CABP5: variants seen among roughly 807,000 people sequenced by gnomAD.
CABP5 encodes the protein calcium-binding protein 5.
In CABP5, 17 loss-of-function variants were observed where a neutral mutation model predicts 21.9. That is an observed-to-expected ratio of 0.78 (90% CI 0.53 to 1.17). CABP5 has a LOEUF of 1.17. CABP5 is among the 50% of genes most tolerant of loss of function. The pLI, the probability that CABP5 is intolerant of heterozygous loss-of-function variation, is 0.00. For synonymous variants in CABP5, 85 were observed against 79.4 expected (o/e 1.07, Z -0.37); for missense variants, 229 against 228.9 (o/e 1.00, Z 0.00).
At chr19:48,039,903 C>A (rs1021362871) in intron 3 of CABP5, among the ~76,000 whole-genome samples, 1 of 151,482 alleles carries the variant, frequency 6.6e-6, no homozygotes, top group Non-Finnish European at 1.5e-5. Flanking sequence ...TTAGTAGAGA[C>A]GGGGTGTCAC....
chr19:48,029,836 G>GAGAGAA lies in CABP5; in HGVS notation c.*720_*721insTTCTCT, dbSNP rs1312190085. 6.8e-6 allele frequency: 1 copy of GAGAGAA among 146,778 alleles called. No homozygotes were observed. Among genetic ancestry groups the GAGAGAA allele is most frequent in the South Asian group, 2.2e-4 (1 of 4,528 alleles). 9.1% of individuals were successfully genotyped at this position (146,778 alleles called of 1,614,324 possible). ...AGAGAGAGAGAGAGAGAGAGAGAGAGAAACCAGACAGTGCTTCCAGGAAAT... is the reference window on the plus strand; with the variant it reads ...AGAGAGAGAGAGAGAGAGAGAGAGAGAGAGAAAAACCAGACAGTGCTTCCAGGAAAT... On this transcript the variant is annotated 3_prime_UTR_variant, in exon 6 of 6. Transcript: ENST00000293255.
intron 3 of CABP5, 29 bp downstream of exon 3, chr19:48,040,576 C>G: frequency 6.2e-7 from 1 of 1,612,896 alleles, no homozygotes. Flanking sequence ...TCCCTAACCC[C>G]GGCCATCCCT....
At chr19:48,038,663 C>A (rs543942071) in intron 4 of CABP5, among the ~76,000 whole-genome samples, 8 of 152,068 alleles carry the variant, frequency 5.3e-5, no homozygotes, top group Non-Finnish European at 1.0e-4. Flanking sequence ...CCCGTCTCTA[C>A]GAAAAATACA....
At chr19:48,039,465 A>G (rs1391915825) in intron 3 of CABP5, 148 bp from the exon 4 acceptor site, 6 of 649,306 alleles carry the variant, frequency 9.2e-6, no homozygotes, top group Middle Eastern at 5.1e-4. Context: ...GCTAACTCCA[A>G]GCTCCAAACT....
chr19:48,031,644 C>T (rs559149010), intron 5 of CABP5, among the ~76,000 whole-genome samples: 2 of 152,230 alleles, frequency 1.3e-5, no homozygotes, highest in African/African-American at 2.4e-5. Context: ...CTTACGCCAG[C>T]GAGGGTCACC....
Position 48,040,714 on chromosome 19 carries a change from G to T in CABP5, c.129C>A (p.Asp43Glu). The T allele has an allele frequency of 6.2e-7, 1 of 1,613,984 alleles. No individual in the cohort carries two copies. Among genetic ancestry groups the T allele is most frequent in the Non-Finnish European group, 8.5e-7 (1 of 1,179,924 alleles). Residue 43 changes from aspartate to glutamate, a missense_variant, in exon 3 of 6, where the codon GAC (aspartate) becomes GAA (glutamate). By Grantham distance (45) the Asp-to-Glu change is conservative. Transcript: ENST00000293255. The stretch of plus-strand genomic sequence containing the variant: ...CCTTACAAGAGATGAACCCATCTCG[G>T]TCCTTATCGAACTCAAGAAATGCTT... Reference protein sequence around the residue: ...LREAFLEFDKDRDGFISCKDL... With the variant: ...LREAFLEFDKERDGFISCKDL...
At chr19:48,036,061 G>A (rs1281749767) in intron 4 of CABP5, among the ~76,000 whole-genome samples, 1 of 152,186 alleles carries the variant, frequency 6.6e-6, no homozygotes, top group Non-Finnish European at 1.5e-5. Flanking sequence ...GAGCCAGTTA[G>A]CACCAGCAGA....
At chr19:48,040,846 T>C in intron 2 of CABP5, 98 bp from the exon 3 acceptor site, 1 of 1,198,058 alleles carries the variant, frequency 8.3e-7, no homozygotes, top group South Asian at 1.4e-5. Flanking sequence ...TAGAGACTCC[T>C]TAAAGGAGCG....
Position 48,040,585 on chromosome 19 carries a change from C to G in CABP5, c.238+20G>C, listed in dbSNP as rs1339690203. ...ATCCCTTCCCTAACCCCGGCCATCC[C>G]TCCCATTCCCTGGACTCACGGTTCA... On this transcript the variant is annotated intron_variant, in intron 3 of 5. Coordinates refer to ENST00000293255, the MANE Select transcript of CABP5 (RefSeq NM_019855.5). 6 of 1,613,444 alleles carry G rather than the reference C, an allele frequency of 3.7e-6. 1 individual carries two copies. In the Admixed American group the frequency reaches 5.0e-5, roughly 13 times the overall value.
Position 48,030,415 on chromosome 19 carries a change from C to T in CABP5, c.*142G>A. ...ACCGCTCTGGGTCTCACCCCATGCACAGCGCCGCATGCCAATGCCCTCCCT... is the reference window on the plus strand; with the variant it reads ...ACCGCTCTGGGTCTCACCCCATGCATAGCGCCGCATGCCAATGCCCTCCCT... On this transcript the variant is annotated 3_prime_UTR_variant, in exon 6 of 6. Transcript: ENST00000293255. The T allele has an allele frequency of 1.3e-6, 1 of 750,524 alleles. No individual in the cohort carries two copies. The highest frequency in any genetic ancestry group is 2.2e-6 in the Non-Finnish European group (1 of 453,252). The allele number at this position is 750,524 out of a possible 1,614,324, so 46.5% of individuals were successfully genotyped here.
At position 48,044,057 on chromosome 19, in the gene CABP5, C is replaced by G; in HGVS notation, c.-135G>C. 5.7e-6 allele frequency: 4 copies of G among 695,912 alleles called. No homozygotes were observed. The highest frequency in any genetic ancestry group is 9.1e-6 in the Non-Finnish European group (4 of 439,370). The allele number at this position is 695,912 out of a possible 1,614,324, so 43.1% of individuals were successfully genotyped here. ...TTCCTGCCTCTCTTGGCTTCTCCTTCGGTCCCGGTGTCTTAGAGCTGTGAC... is the reference window on the plus strand; with the variant it reads ...TTCCTGCCTCTCTTGGCTTCTCCTTGGGTCCCGGTGTCTTAGAGCTGTGAC... On this transcript the variant is annotated 5_prime_UTR_variant, in exon 1 of 6. Coordinates refer to ENST00000293255, the MANE Select transcript of CABP5 (RefSeq NM_019855.5).
At chr19:48,033,961 G>C (rs903566961) in intron 5 of CABP5, among the ~76,000 whole-genome samples, 1 of 152,144 alleles carries the variant, frequency 6.6e-6, no homozygotes, top group Non-Finnish European at 1.5e-5. Flanking sequence ...AGGGCGTCCT[G>C]AGCATGGGAA....
intron 1 of CABP5, among the ~76,000 whole-genome samples, chr19:48,042,017 G>A (rs994624128): frequency 1.3e-5 from 2 of 151,556 alleles, no homozygotes; most frequent in African/African-American, 2.4e-5. Context: ...ACTGCTCTGT[G>A]ATGCAGATCT....
At chr19:48,035,511 CG>C (rs1484429345) in intron 4 of CABP5, among the ~76,000 whole-genome samples, 1 of 152,202 alleles carries the variant, frequency 6.6e-6, no homozygotes, top group African/African-American at 2.4e-5. Flanking sequence ...GCAGGAGAAT[CG>C]CTTGAACCTG....
In CABP5 at chr19:48,030,563, A is replaced by T. The variant is rs1028514573; in HGVS notation, c.516T>A (p.Ser172=). ...TGGAGCTTCCAGGACCTCCTCAGCG[A>T]GACATCATCTTCACAAACTCTGCAA... The part of the protein sequence containing the change: ...VDFEEFVKMM[S]R The change falls in exon 6 of 6, where the codon TCT becomes TCA. Residue 172 remains serine (S), a synonymous_variant. Coordinates refer to ENST00000293255, the MANE Select transcript of CABP5 (RefSeq NM_019855.5). 1 of 1,613,288 alleles carries T rather than the reference A, an allele frequency of 6.2e-7. No individual in the cohort carries two copies. The highest frequency in any genetic ancestry group is 1.3e-5 in the African/African-American group (1 of 74,778).
At chr19:48,033,224 A>G (rs1967364105) in intron 5 of CABP5, among the ~76,000 whole-genome samples, 1 of 151,682 alleles carries the variant, frequency 6.6e-6, no homozygotes, top group Non-Finnish European at 1.5e-5. Context: ...GGCTGGTCTC[A>G]AACTACTAAC....
intron 3 of CABP5, among the ~76,000 whole-genome samples, chr19:48,039,703 CTTTTTTTTTTTT>C (rs772482700): frequency 2.2e-4 from 13 of 59,228 alleles, no homozygotes; most frequent in Non-Finnish European, 3.5e-4. Flanking sequence ...AACCCAATAG[CTTTTTTTTTTTT>C]TTTTTTTTTT....
In CABP5 at chr19:48,043,721, G is replaced by C. The variant is rs572944381; in HGVS notation, c.63+139C>G. On this transcript the variant is annotated intron_variant, in intron 1 of 5. Coordinates refer to ENST00000293255, the MANE Select transcript of CABP5 (RefSeq NM_019855.5). ...TTACATGACCCCACCAGGGTCCTTG[G>C]AATTTCTTATACCTTCTCAGCTCCT... is the stretch of plus-strand genomic sequence containing the variant. 34 of 656,684 alleles carry C rather than the reference G, an allele frequency of 5.2e-5. No individual in the cohort carries two copies. The African/African-American group carries it at 5.9e-4, about 11-fold the overall frequency. The allele number at this position is 656,684 out of a possible 1,614,324, so 40.7% of individuals were successfully genotyped here. A position where few individuals can be genotyped will look rare whatever the true frequency, so the allele number is the denominator to read the frequency against.
At chr19:48,037,213 T>TG (rs1967419345) in intron 4 of CABP5, among the ~76,000 whole-genome samples, 1 of 132,548 alleles carries the variant, frequency 7.5e-6, no homozygotes, top group South Asian at 2.6e-4. Flanking sequence ...AACAGAAGAG[T>TG]GGATAAAGAA....
Sources: allele counts gnomAD v4.1 joint callset (sites outside exome capture counted in the v4.1 genomes callset), GRCh38; gene constraint gnomAD v4.1.1; transcripts MANE v1.5; gene names NCBI Gene and HGNC (gene_info 2026-07-23, HGNC 2026-07-21).